The following AGMO variants were observed in gnomAD, a reference collection of about 807,000 sequenced individuals.
AGMO encodes the protein alkylglycerol monooxygenase.
A neutral mutation model predicts 60.2 loss-of-function variants in AGMO; 75 were observed. That is an observed-to-expected ratio of 1.25 (90% CI 1.03 to 1.51). The LOEUF (loss-of-function observed/expected upper bound fraction) is 1.51. Among genes scored for constraint, AGMO ranks in the 40% most tolerant of loss-of-function variants. The probability of loss-of-function intolerance (pLI) is 0.00; values close to 1 mark genes in which losing one functional copy is unlikely to be tolerated. For missense variants in AGMO, 763 were observed against 525.5 expected (o/e 1.45, Z -4.42); for synonymous variants, 261 against 177.1 (o/e 1.47, Z -3.76).
chr7:15,176,699 T>C, the AGMO span, among the ~76,000 whole-genome samples: 1 of 151,928 alleles, frequency 6.6e-6, no homozygotes, highest in Admixed American at 6.6e-5. Context: ...TTAAGCAAAT[T>C]TGTGTTAGCA....
At chr7:15,279,059 G>C (rs1262449426) in intron 12 of AGMO, among the ~76,000 whole-genome samples, 1 of 152,212 alleles carries the variant, frequency 6.6e-6, no homozygotes, top group East Asian at 1.9e-4. Context: ...GTTGCTTGGG[G>C]AACAAAAACC....
chr7:15,531,060 C>G (rs867579315), intron 3 of AGMO, among the ~76,000 whole-genome samples: 1 of 67,748 alleles, frequency 1.5e-5, no homozygotes, highest in African/African-American at 6.7e-5. Context: ...TATATATATT[C>G]TGTATATATT....
In AGMO at chr7:15,415,368, C is replaced by A. The variant is rs1780735640; in HGVS notation, c.609+3190G>T. Among the ~76,000 whole-genome samples the A allele has an allele frequency of 4.6e-5, 7 of 151,998 alleles. No homozygotes were observed. The South Asian group carries it at 1.5e-3, about 32-fold the overall frequency. On this transcript the variant is annotated intron_variant, in intron 5 of 12. Coordinates refer to ENST00000342526, the MANE Select transcript of AGMO (RefSeq NM_001004320.2). Reference sequence around the variant, plus strand: ...GACCATTCTGGCCAACATGGTGAAACCCCATCTCTACTAAAAATACAAAAA... The same window carrying A: ...GACCATTCTGGCCAACATGGTGAAAACCCATCTCTACTAAAAATACAAAAA...
chr7:15,358,452 G>A (rs572251875), intron 12 of AGMO: 7 of 470,608 alleles, frequency 1.5e-5, no homozygotes, highest in African/African-American at 1.4e-4. Flanking sequence ...TTTCCTAAAG[G>A]GTGAGATACG....
intron 12 of AGMO, among the ~76,000 whole-genome samples, chr7:15,237,164 C>G (rs1198101812): frequency 6.6e-6 from 1 of 152,040 alleles, no homozygotes; most frequent in African/African-American, 2.4e-5. Context: ...TCACACCAGA[C>G]AGTAGACAGA....
chr7:15,379,129 A>G (rs1293993843), intron 10 of AGMO, among the ~76,000 whole-genome samples: 1 of 152,132 alleles, frequency 6.6e-6, no homozygotes, highest in African/African-American at 2.4e-5. Flanking sequence ...CAGTGTTAAG[A>G]GAGAAATTTA....
the AGMO span, among the ~76,000 whole-genome samples, chr7:15,140,081 T>C: frequency 3.0e-3 from 449 of 151,034 alleles, 2 homozygotes; most frequent in African/African-American, 8.8e-3. Context: ...GGAAATAAAA[T>C]ATAAATTATA....
intron 5 of AGMO, among the ~76,000 whole-genome samples, chr7:15,405,975 C>A (rs936464181): frequency 6.6e-6 from 1 of 151,830 alleles, no homozygotes; most frequent in Non-Finnish European, 1.5e-5. Flanking sequence ...TAATTTCCAT[C>A]ATGTTCCTTG....
Position 15,266,192 on chromosome 7 carries a change from G to C in AGMO, c.1264-64833C>G, listed in dbSNP as rs1272929170. On this transcript the variant is annotated intron_variant, in intron 12 of 12. Coordinates refer to ENST00000342526, the MANE Select transcript of AGMO (RefSeq NM_001004320.2). The stretch of plus-strand genomic sequence containing the variant: ...TTTGTTTAATAGGTATTGTTTAATA[G>C]GTATAGTTATTGTTTAATAGGTATT... 3.6e-4 allele frequency among the ~76,000 whole-genome samples: 54 copies of C among 151,868 alleles called. 1 individual carries two copies. The highest frequency in any genetic ancestry group is 3.5e-3 in the Admixed American group (54 of 15,222).
At chr7:15,520,003 C>CA (rs573445663) in intron 3 of AGMO, among the ~76,000 whole-genome samples, 1,645 of 134,218 alleles carry the variant, frequency 0.012, 24 homozygotes, top group African/African-American at 0.039. Flanking sequence ...AAAAAAGAAC[C>CA]AAAAAAAAAA....
At chr7:15,306,745 G>A (rs1004489191) in intron 12 of AGMO, among the ~76,000 whole-genome samples, 3 of 151,932 alleles carry the variant, frequency 2.0e-5, no homozygotes, top group African/African-American at 7.2e-5. Context: ...GTTCTTATAG[G>A]CTGAGGAATA....
chr7:15,473,711 G>A (rs1484717931), intron 3 of AGMO, among the ~76,000 whole-genome samples: 1 of 152,072 alleles, frequency 6.6e-6, no homozygotes, highest in African/African-American at 2.4e-5. Flanking sequence ...GTTCTGGCTA[G>A]GGAAATCAGG....
chr7:15,447,099 C>G (rs1781719110), intron 3 of AGMO, among the ~76,000 whole-genome samples: 1 of 152,192 alleles, frequency 6.6e-6, no homozygotes, highest in African/African-American at 2.4e-5. Flanking sequence ...AGCAGTAGTA[C>G]TCTTTTAAGT....
chr7:15,549,296 G>C (rs1260886509), intron 2 of AGMO, among the ~76,000 whole-genome samples: 2 of 148,650 alleles, frequency 1.3e-5, no homozygotes, highest in African/African-American at 5.0e-5. Context: ...ATAATGACAG[G>C]ATCAAATTCA....
At chr7:15,212,912 C>T (rs1781634159) in intron 12 of AGMO, among the ~76,000 whole-genome samples, 1 of 151,928 alleles carries the variant, frequency 6.6e-6, no homozygotes, top group Non-Finnish European at 1.5e-5. Flanking sequence ...TACAGACTTT[C>T]ATACGTGCAA....
At chr7:15,265,612 A>T (rs771155470) in intron 12 of AGMO, among the ~76,000 whole-genome samples, 203 of 130,474 alleles carry the variant, frequency 1.6e-3, no homozygotes, top group Admixed American at 3.0e-3. Context: ...GGATACAATT[A>T]AAAAAAAAAT....
chr7:15,139,923 T>C, the AGMO span, among the ~76,000 whole-genome samples: 1 of 150,452 alleles, frequency 6.6e-6, no homozygotes, highest in Non-Finnish European at 1.5e-5. Flanking sequence ...ATACAATGTA[T>C]AGAATAAATT....
chr7:15,168,974 G>GC, the AGMO span, among the ~76,000 whole-genome samples: 1 of 152,186 alleles, frequency 6.6e-6, no homozygotes, highest in East Asian at 1.9e-4. Flanking sequence ...TTGGATTAAT[G>GC]TTTTGACCTT....
chr7:15,547,853 T>C (rs1784831797), intron 2 of AGMO, among the ~76,000 whole-genome samples: 1 of 152,062 alleles, frequency 6.6e-6, no homozygotes, highest in African/African-American at 2.4e-5. Flanking sequence ...AGGCTCCACC[T>C]CTGGGGGCAG....
Sources: gnomAD v4.1 joint callset for allele counts (sites outside exome capture counted in the v4.1 genomes callset) on GRCh38, gnomAD v4.1.1 for gene constraint, MANE v1.5 for transcripts, NCBI Gene and HGNC (gene_info 2026-07-23, HGNC 2026-07-21) for gene names.